ODAD2: variants seen among roughly 807,000 people sequenced by gnomAD.
The protein encoded by ODAD2 is outer dynein arm-docking complex subunit 2.
In ODAD2, 89 loss-of-function variants were observed where a neutral mutation model predicts 106.8. The observed-to-expected ratio is 0.83, with a 90% confidence interval of 0.70 to 0.99. ODAD2 has a LOEUF of 0.99. Among genes scored for constraint, ODAD2 ranks in the 50% least tolerant of loss-of-function variants. ODAD2 has a pLI of 0.00. For synonymous variants in ODAD2, 404 were observed against 436.2 expected (o/e 0.93, Z 0.92); for missense variants, 1,168 against 1,238.5 (o/e 0.94, Z 0.85).
rs148079636 is a variant in ODAD2 at position 27,910,791 on chromosome 10, C to T, written c.2496-3014G>A. 3.5e-3 allele frequency among the ~76,000 whole-genome samples: 531 copies of T among 151,992 alleles called. 1 individual carries two copies. Among genetic ancestry groups the T allele is most frequent in the Admixed American group, 4.4e-3 (67 of 15,256 alleles). On this transcript the variant is annotated intron_variant, in intron 16 of 19. Coordinates refer to ENST00000305242, the MANE Select transcript of ODAD2 (RefSeq NM_018076.5). Reference sequence around the variant, plus strand: ...AAAAACAAACAAACAAACAAAAAAACAGATACAGTCAATTCTCATCAGGGG... The same window carrying T: ...AAAAACAAACAAACAAACAAAAAAATAGATACAGTCAATTCTCATCAGGGG...
chr10:27,853,432 T>G (rs1422019539), intron 19 of ODAD2: 2 of 205,312 alleles, frequency 9.7e-6, no homozygotes, highest in African/African-American at 2.4e-5. Context: ...TATTATCCAC[T>G]TTAAGTGAAA....
intron 16 of ODAD2, among the ~76,000 whole-genome samples, 162 bp downstream of exon 16, chr10:27,934,848 C>T (rs1845851939): frequency 1.3e-5 from 2 of 152,136 alleles, no homozygotes; most frequent in South Asian, 2.1e-4. Flanking sequence ...AATGTTTTGG[C>T]TCTGTAACTC....
At chr10:27,976,632 G>T (rs958701117) in intron 7 of ODAD2, among the ~76,000 whole-genome samples, 2 of 152,084 alleles carry the variant, frequency 1.3e-5, no homozygotes, top group African/African-American at 4.8e-5. Flanking sequence ...CTATGTTCAT[G>T]GATTAGAAAA....
Position 27,983,873 on chromosome 10 carries a change from AG to A in ODAD2, c.788del (p.Thr263IlefsTer9). The A allele has an allele frequency of 1.7e-5, 28 of 1,613,114 alleles. No individual in the cohort carries two copies. The highest frequency in any genetic ancestry group is 2.3e-5 in the Non-Finnish European group (27 of 1,179,780). On this transcript the variant is annotated frameshift_variant, in exon 6 of 20. Coordinates refer to ENST00000305242, the MANE Select transcript of ODAD2 (RefSeq NM_018076.5). LOFTEE classifies it high-confidence loss of function. Reference sequence around the variant, plus strand: ...TTAAAAATACTCCTCCTGCACTGCAAGTAATGCACAGAGTCTCACCATCGTG... The same window carrying A: ...TTAAAAATACTCCTCCTGCACTGCAATAATGCACAGAGTCTCACCATCGTG... Reference protein sequence around the residue: ...KPHDGETLCITCSAGGVFLNG... With the variant: ...KPHDGETLCIXCSAGGVFLNG...
At chr10:27,890,259 T>C (rs191880159) in intron 17 of ODAD2, among the ~76,000 whole-genome samples, 1 of 152,236 alleles carries the variant, frequency 6.6e-6, no homozygotes, top group Admixed American at 6.5e-5. Context: ...CAGTCAGGTG[T>C]CTGAGTCAAT....
intron 19 of ODAD2, among the ~76,000 whole-genome samples, chr10:27,823,597 G>A (rs1016081917): frequency 3.9e-5 from 6 of 152,128 alleles, no homozygotes; most frequent in Non-Finnish European, 7.4e-5. Flanking sequence ...CTCATGCTAT[G>A]TGCCCCTAAA....
chr10:27,984,807 C>T (rs1849771621), intron 4 of ODAD2, among the ~76,000 whole-genome samples: 1 of 152,038 alleles, frequency 6.6e-6, no homozygotes, highest in Non-Finnish European at 1.5e-5. Context: ...CCATACTTTA[C>T]TTTTCTTGTG....
chr10:27,871,176 T>C (rs2133434160), intron 17 of ODAD2, among the ~76,000 whole-genome samples: 1 of 152,346 alleles, frequency 6.6e-6, no homozygotes, highest in Admixed American at 6.5e-5. Context: ...TCTGTTCATA[T>C]CCTTTGTTCA....
chr10:27,998,505 G>T (rs935101165), intron 1 of ODAD2, among the ~76,000 whole-genome samples: 3 of 152,122 alleles, frequency 2.0e-5, no homozygotes, highest in African/African-American at 7.2e-5. Context: ...GGAAGCGGCG[G>T]GAGAAGTGGA....
chr10:27,969,467 G>A (rs1182416932), intron 8 of ODAD2, among the ~76,000 whole-genome samples: 1 of 152,300 alleles, frequency 6.6e-6, no homozygotes, highest in Non-Finnish European at 1.5e-5. Flanking sequence ...ATGCTTGAAA[G>A]AGTAAGAATA....
At chr10:27,985,408 G>A (rs1849818698) in intron 3 of ODAD2, among the ~76,000 whole-genome samples, 197 bp from the exon 4 acceptor site, 1 of 152,274 alleles carries the variant, frequency 6.6e-6, no homozygotes, top group South Asian at 2.1e-4. Context: ...TACTTCACGA[G>A]ATGCTCTAGT....
chr10:27,954,501 GAA>G (rs1847585416), intron 10 of ODAD2, among the ~76,000 whole-genome samples: 1 of 120,174 alleles, frequency 8.3e-6, no homozygotes. Context: ...ACGAGTGAAT[GAA>G]TGAATGAATG....
At chr10:27,891,194 C>T (rs1842538826) in intron 17 of ODAD2, among the ~76,000 whole-genome samples, 1 of 152,136 alleles carries the variant, frequency 6.6e-6, no homozygotes, top group Non-Finnish European at 1.5e-5. Context: ...CACCTGTGGT[C>T]AGGAAACTGG....
At chr10:27,848,041 T>C (rs1023697275) in intron 19 of ODAD2, among the ~76,000 whole-genome samples, 1 of 152,208 alleles carries the variant, frequency 6.6e-6, no homozygotes, top group Non-Finnish European at 1.5e-5. Context: ...AAGCTACCAA[T>C]GTCTTTCTTC....
Position 27,812,293 on chromosome 10 carries a change from T to C in ODAD2, c.*219A>G. ...TTATCACAGGTTTATTGGCTTTCCA[T>C]CTTATCACATGTCATATCTCGAAAA... On this transcript the variant is annotated 3_prime_UTR_variant, in exon 20 of 20. Transcript: ENST00000305242. The C allele has an allele frequency of 3.8e-6, 2 of 524,462 alleles. No homozygotes were observed. The highest frequency in any genetic ancestry group is 6.6e-6 in the Non-Finnish European group (2 of 304,074). 32.5% of individuals were successfully genotyped at this position (524,462 alleles called of 1,614,324 possible). A position where few individuals can be genotyped will look rare whatever the true frequency, so the allele number is the denominator to read the frequency against.
At chr10:27,837,074 A>G (rs1257122945) in intron 19 of ODAD2, among the ~76,000 whole-genome samples, 2 of 152,040 alleles carry the variant, frequency 1.3e-5, no homozygotes, top group African/African-American at 4.8e-5. Context: ...ACAAATTCTG[A>G]TGCAAGAAAG....
chr10:27,967,051 A>C (rs1240474922), intron 9 of ODAD2, among the ~76,000 whole-genome samples: 1 of 150,238 alleles, frequency 6.7e-6, no homozygotes, highest in Non-Finnish European at 1.5e-5. Flanking sequence ...AGGTGCAGGC[A>C]AAAAAAGGAC....
chr10:27,820,310 C>T (rs995556264), intron 19 of ODAD2, among the ~76,000 whole-genome samples: 2 of 151,952 alleles, frequency 1.3e-5, no homozygotes, highest in Admixed American at 6.6e-5. Flanking sequence ...CTCCCTCAGA[C>T]CTGGTCATTG....
At chr10:27,846,491 C>G (rs936630311) in intron 19 of ODAD2, among the ~76,000 whole-genome samples, 2 of 151,392 alleles carry the variant, frequency 1.3e-5, no homozygotes, top group African/African-American at 4.9e-5. Context: ...AAAATTGACA[C>G]CCTAACATCA....
Sources: allele counts gnomAD v4.1 joint callset (sites outside exome capture counted in the v4.1 genomes callset), GRCh38; gene constraint gnomAD v4.1.1; transcripts MANE v1.5; gene names NCBI Gene and HGNC (gene_info 2026-07-23, HGNC 2026-07-21).